BORCS5: variants seen among roughly 807,000 people sequenced by gnomAD.
The protein encoded by BORCS5 is BLOC-1-related complex subunit 5.
BORCS5 carries 17 observed loss-of-function variants against 22.1 expected under a neutral mutation model. The ratio of observed to expected loss-of-function variants is 0.77; its 90% CI spans 0.53 to 1.15. The LOEUF (loss-of-function observed/expected upper bound fraction) is 1.15, where lower values mean the gene tolerates loss of function less well. BORCS5 is among the 50% of genes most tolerant of loss of function. The pLI, the probability that BORCS5 is intolerant of heterozygous loss-of-function variation, is 0.00. For missense variants in BORCS5, 247 were observed against 253.2 expected (o/e 0.98, Z 0.17); for synonymous variants, 117 against 99.8 (o/e 1.17, Z -1.03).
At position 12,413,845 on chromosome 12, in the gene BORCS5, C is replaced by A. The variant is rs1343919124; in HGVS notation, c.203-21783C>A. On this transcript the variant is annotated intron_variant, in intron 2 of 3. Transcript: ENST00000314565. ...CTGGCCAGGCGGGGGGCTGGCCCCC[C>A]CACCTCCCTCCCGGACGGGGTGGCT... Among the ~76,000 whole-genome samples the A allele has an allele frequency of 1.1e-4, 8 of 72,122 alleles. 2 individuals are homozygous for A. The highest frequency in any genetic ancestry group is 5.0e-4 in the African/African-American group (6 of 12,004). The allele number at this position is 72,122 out of a possible 152,430, so 47.3% of individuals were successfully genotyped here.
intron 3 of BORCS5, among the ~76,000 whole-genome samples, chr12:12,451,423 C>G (rs1942906614): frequency 6.6e-6 from 1 of 152,162 alleles, no homozygotes; most frequent in Admixed American, 6.5e-5. Flanking sequence ...AAAACACCAA[C>G]ACTTTAGGTT....
At chr12:12,458,642 G>A (rs752235140) in intron 3 of BORCS5, among the ~76,000 whole-genome samples, 4 of 148,862 alleles carry the variant, frequency 2.7e-5, no homozygotes, top group Non-Finnish European at 4.5e-5. Context: ...GCAGTGGTGC[G>A]ATCTTGACTC....
Position 12,442,435 on chromosome 12 carries a change from A to G in BORCS5, c.360+6650A>G, listed in dbSNP as rs1042407557. Among the ~76,000 whole-genome samples the G allele has an allele frequency of 7.5e-4, 114 of 152,328 alleles. 1 individual carries two copies. Among genetic ancestry groups the G allele is most frequent in the African/African-American group, 2.7e-3 (113 of 41,582 alleles). On this transcript the variant is annotated intron_variant, in intron 3 of 3. Transcript: ENST00000314565. Reference sequence around the variant, plus strand: ...AAGGCCTTGAGAGTACATTCATGATATGATTCTAGTAACTCCTGTTTTAAT... The same window carrying G: ...AAGGCCTTGAGAGTACATTCATGATGTGATTCTAGTAACTCCTGTTTTAAT...
At chr12:12,401,533 C>T (rs572103704) in intron 2 of BORCS5, among the ~76,000 whole-genome samples, 2 of 151,478 alleles carry the variant, frequency 1.3e-5, no homozygotes, top group Non-Finnish European at 2.9e-5. Context: ...TTTTTCTGAT[C>T]ACGAAATGAA....
chr12:12,400,581 A>T (rs1225139943), intron 2 of BORCS5, among the ~76,000 whole-genome samples: 1 of 123,382 alleles, frequency 8.1e-6, no homozygotes, highest in Non-Finnish European at 1.7e-5. Flanking sequence ...GCAGTATGTC[A>T]GCATACAGAA....
chr12:12,439,494 C>A (rs188981477), intron 3 of BORCS5, among the ~76,000 whole-genome samples: 7 of 151,706 alleles, frequency 4.6e-5, no homozygotes, highest in African/African-American at 1.7e-4. Flanking sequence ...AACAAACAGG[C>A]ATGGTGGTGC....
intron 2 of BORCS5, among the ~76,000 whole-genome samples, chr12:12,429,726 TGA>T (rs1185858881): frequency 2.6e-5 from 4 of 152,076 alleles, no homozygotes; most frequent in Non-Finnish European, 4.4e-5. Context: ...GAGGTAGAAG[TGA>T]GAGTTTTGTT....
intron 2 of BORCS5, among the ~76,000 whole-genome samples, chr12:12,396,227 T>G (rs1046034404): frequency 5.9e-5 from 9 of 151,290 alleles, no homozygotes; most frequent in Non-Finnish European, 1.2e-4. Flanking sequence ...CCTCAAGTGA[T>G]CTGCCCGCCT....
At chr12:12,414,815 G>A (rs986568411) in intron 2 of BORCS5, among the ~76,000 whole-genome samples, 1 of 144,236 alleles carries the variant, frequency 6.9e-6, no homozygotes, top group African/African-American at 2.6e-5. Context: ...CAGGCAGAGG[G>A]TTTCCTCACT....
At chr12:12,453,666 T>C (rs1942952621) in intron 3 of BORCS5, among the ~76,000 whole-genome samples, 2 of 152,212 alleles carry the variant, frequency 1.3e-5, no homozygotes, top group African/African-American at 4.8e-5. Flanking sequence ...AATACACTTA[T>C]TTTATTATTT....
At chr12:12,437,602 A>G (rs905590024) in intron 3 of BORCS5, among the ~76,000 whole-genome samples, 1 of 152,206 alleles carries the variant, frequency 6.6e-6, no homozygotes, top group African/African-American at 2.4e-5. Flanking sequence ...AAAGCGTATT[A>G]TCTCACTTAA....
chr12:12,357,121 G>T lies in BORCS5; in HGVS notation c.-331G>T, dbSNP rs1220556371. ...GCGAGCTTGCGGAGCGTGAACCAGT[G>T]AGTGAAAGCGGCGCCGCCCGCCGGC... On this transcript the variant is annotated 5_prime_UTR_variant, in exon 1 of 4. Coordinates refer to ENST00000314565, the MANE Select transcript of BORCS5 (RefSeq NM_058169.6). The T allele has an allele frequency of 1.3e-6, 2 of 1,534,448 alleles. No individual in the cohort carries two copies. The highest frequency in any genetic ancestry group is 3.9e-5 in the Admixed American group (2 of 50,892).
At position 12,467,781 on chromosome 12, in the gene BORCS5, G is replaced by A. The variant is rs1049264092; in HGVS notation, c.*2005G>A. On this transcript the variant is annotated 3_prime_UTR_variant, in exon 4 of 4. Transcript: ENST00000314565. The stretch of plus-strand genomic sequence containing the variant: ...TGGCCACGAGAGAGATTTGCATGAG[G>A]TTTGGAAGTGGAAGTAGAGCAACAG... 30 of 152,252 alleles carry A rather than the reference G, an allele frequency of 2.0e-4. No homozygotes were observed. The highest frequency in any genetic ancestry group is 7.2e-4 in the African/African-American group (30 of 41,444). The allele number at this position is 152,252 out of a possible 1,614,324, so 9.4% of individuals were successfully genotyped here. A position where few individuals can be genotyped will look rare whatever the true frequency, so the allele number is the denominator to read the frequency against.
chr12:12,422,237 G>C (rs11054898), intron 2 of BORCS5, among the ~76,000 whole-genome samples: 49,790 of 151,894 alleles, frequency 0.33, 8,883 homozygotes, highest in Non-Finnish European at 0.4. Flanking sequence ...AGATCCTAAC[G>C]TGGTAACACA....
chr12:12,378,436 T>A (rs542305900), intron 2 of BORCS5, among the ~76,000 whole-genome samples: 10 of 152,320 alleles, frequency 6.6e-5, no homozygotes, highest in Admixed American at 5.9e-4. Context: ...GGCATAGGGC[T>A]TAGTATATAG....
chr12:12,459,853 A>G (rs1004922737), intron 3 of BORCS5, among the ~76,000 whole-genome samples: 7 of 152,292 alleles, frequency 4.6e-5, no homozygotes, highest in East Asian at 3.9e-4. Context: ...TCAATTAACA[A>G]TATATTTTTA....
At chr12:12,427,172 C>CTTTTTTTTTTTTTTTTT (rs869191667) in intron 2 of BORCS5, among the ~76,000 whole-genome samples, 1 of 84,488 alleles carries the variant, frequency 1.2e-5, no homozygotes, top group African/African-American at 5.2e-5. Flanking sequence ...TCTTTCTTTT[C>CTTTTTTTTTTTTTTTTT]TTTTTTTTTT....
chr12:12,415,038 G>A (rs1377470639), intron 2 of BORCS5, among the ~76,000 whole-genome samples: 1 of 143,306 alleles, frequency 7.0e-6, no homozygotes, highest in East Asian at 2.0e-4. Flanking sequence ...GATGGCGGCC[G>A]GGCGGAGACG....
intron 2 of BORCS5, among the ~76,000 whole-genome samples, chr12:12,430,296 G>T (rs987256698): frequency 4.0e-5 from 6 of 151,730 alleles, no homozygotes; most frequent in Non-Finnish European, 7.4e-5. Flanking sequence ...GACTACAGGC[G>T]CCTGCCACCA....
Sources: gnomAD v4.1 joint callset for allele counts (sites outside exome capture counted in the v4.1 genomes callset) on GRCh38, gnomAD v4.1.1 for gene constraint, MANE v1.5 for transcripts, NCBI Gene and HGNC (gene_info 2026-07-23, HGNC 2026-07-21) for gene names.